ZNF804B: variants seen among roughly 807,000 people sequenced by gnomAD.
ZNF804B encodes zinc finger protein 804B, also known as zinc finger 804B.
ZNF804B carries 80 observed loss-of-function variants against 101.4 expected under a neutral mutation model. That is an observed-to-expected ratio of 0.79 (90% confidence interval 0.66 to 0.95). The LOEUF (loss-of-function observed/expected upper bound fraction) is 0.95. Among genes scored for constraint, ZNF804B ranks in the 40% least tolerant of loss-of-function variants. The probability of loss-of-function intolerance (pLI) is 0.00; values close to 1 mark genes in which losing one functional copy is unlikely to be tolerated. For missense variants in ZNF804B, 1,673 were observed against 1,561.9 expected, an observed-to-expected ratio of 1.07 and a Z score of -1.20; for synonymous variants, 622 against 558.8, an observed-to-expected ratio of 1.11 and a Z score of -1.59.
At chr7:88,964,422 C>G (rs1327463442) in intron 1 of ZNF804B, among the ~76,000 whole-genome samples, 4 of 151,342 alleles carry the variant, frequency 2.6e-5, no homozygotes, top group Admixed American at 2.0e-4. Context: ...GTAAGCTGCA[C>G]ACAAAATGGG....
intron 1 of ZNF804B, among the ~76,000 whole-genome samples, chr7:89,085,138 CT>C: frequency 2.5e-5 from 1 of 39,780 alleles, no homozygotes; most frequent in African/African-American, 3.6e-4. Context: ...TTAGAATATG[CT>C]CGCCAAATCA....
chr7:89,154,728 G>A (rs1790930593), intron 1 of ZNF804B, among the ~76,000 whole-genome samples: 2 of 152,038 alleles, frequency 1.3e-5, no homozygotes, highest in African/African-American at 2.4e-5. Context: ...AGTAATGGGG[G>A]GCTGGGAGGG....
chr7:89,293,726 T>A (rs1205434621), intron 2 of ZNF804B, among the ~76,000 whole-genome samples: 1 of 151,864 alleles, frequency 6.6e-6, no homozygotes, highest in Non-Finnish European at 1.5e-5. Flanking sequence ...GAGGCGGAGC[T>A]TGCAGTGAGC....
At chr7:88,934,045 G>A (rs1247759921) in intron 1 of ZNF804B, among the ~76,000 whole-genome samples, 6 of 151,310 alleles carry the variant, frequency 4.0e-5, no homozygotes, top group Admixed American at 2.6e-4. Context: ...TTACCAAAAC[G>A]ACATGGTACT....
chr7:88,984,361 GTAAT>G lies in ZNF804B; in HGVS notation c.108+224279_108+224282del, dbSNP rs534130143. 2.6e-4 allele frequency among the ~76,000 whole-genome samples: 40 copies of G among 152,158 alleles called. 1 individual carries two copies. Among genetic ancestry groups the G allele is most frequent in the African/African-American group, 9.4e-4 (39 of 41,550 alleles). On this transcript the variant is annotated intron_variant, in intron 1 of 3. Coordinates refer to ENST00000333190, the MANE Select transcript of ZNF804B (RefSeq NM_181646.5). ...CCATCTTTAAGGATGGTGTAATCAA[GTAAT>G]TGTGTTTTTGCATGTTTTTGTTTCT...
At chr7:88,795,075 G>T (rs1223589554) in intron 1 of ZNF804B, 96 of 764,164 alleles carry the variant, frequency 1.3e-4, no homozygotes, top group Non-Finnish European at 1.8e-4. Context: ...GTAAATCACG[G>T]TTTGTCAAAT....
chr7:88,921,436 C>T (rs751276013), intron 1 of ZNF804B, among the ~76,000 whole-genome samples: 3 of 152,074 alleles, frequency 2.0e-5, no homozygotes, highest in Non-Finnish European at 4.4e-5. Flanking sequence ...AAGTGAGTTA[C>T]CTCACCCAAA....
At chr7:88,839,482 G>A (rs1214496412) in intron 1 of ZNF804B, among the ~76,000 whole-genome samples, 1 of 151,834 alleles carries the variant, frequency 6.6e-6, no homozygotes, top group African/African-American at 2.4e-5. Flanking sequence ...GCTATTAGGT[G>A]GCAAATCTGA....
chr7:89,111,606 T>G (rs1018605712), intron 1 of ZNF804B, among the ~76,000 whole-genome samples: 5 of 152,244 alleles, frequency 3.3e-5, no homozygotes, highest in African/African-American at 1.2e-4. Context: ...TTGTATGGCT[T>G]AGATAAAAGT....
chr7:89,194,935 C>T (rs1363452941), intron 1 of ZNF804B, among the ~76,000 whole-genome samples: 2 of 151,892 alleles, frequency 1.3e-5, no homozygotes, highest in African/African-American at 4.8e-5. Context: ...TTGATTCTTC[C>T]TACCCATGAG....
chr7:88,984,520 G>T (rs916639484), intron 1 of ZNF804B, among the ~76,000 whole-genome samples: 1 of 151,650 alleles, frequency 6.6e-6, no homozygotes. Context: ...TGTGTAACTG[G>T]ATGCTAACTT....
chr7:88,950,226 A>T (rs1166828440), intron 1 of ZNF804B, among the ~76,000 whole-genome samples: 2 of 151,812 alleles, frequency 1.3e-5, no homozygotes, highest in African/African-American at 4.8e-5. Flanking sequence ...TGTTTGTTTA[A>T]TTTTTATCTA....
chr7:88,967,047 T>C (rs996090660), intron 1 of ZNF804B, among the ~76,000 whole-genome samples: 1 of 151,426 alleles, frequency 6.6e-6, no homozygotes, highest in Admixed American at 6.6e-5. Flanking sequence ...ATGGTCACTT[T>C]GGAGTCCCTT....
chr7:89,210,778 C>T (rs1008696664), intron 1 of ZNF804B, among the ~76,000 whole-genome samples: 2 of 152,088 alleles, frequency 1.3e-5, no homozygotes, highest in African/African-American at 2.4e-5. Context: ...CATGTCTTTG[C>T]GATTGTGAAT....
chr7:89,093,995 C>T (rs143179566), intron 1 of ZNF804B, among the ~76,000 whole-genome samples: 1,580 of 152,252 alleles, frequency 0.01, 27 homozygotes, highest in African/African-American at 0.036. Context: ...GATAGGTGAC[C>T]TACTGTTAGC....
At chr7:89,132,489 C>G (rs1037655560) in intron 1 of ZNF804B, among the ~76,000 whole-genome samples, 2 of 151,942 alleles carry the variant, frequency 1.3e-5, no homozygotes, top group African/African-American at 4.8e-5. Context: ...ACAGTGGCTA[C>G]AAACAGAGTC....
intron 1 of ZNF804B, among the ~76,000 whole-genome samples, chr7:89,039,216 C>G (rs1788976361): frequency 6.6e-6 from 1 of 151,638 alleles, no homozygotes; most frequent in Non-Finnish European, 1.5e-5. Flanking sequence ...AATGCCATTA[C>G]AATTTTAATA....
chr7:88,875,414 A>G (rs978940753), intron 1 of ZNF804B, among the ~76,000 whole-genome samples: 2 of 152,192 alleles, frequency 1.3e-5, no homozygotes, highest in African/African-American at 4.8e-5. Flanking sequence ...AACTGCTAGC[A>G]AGACTAATAA....
intron 1 of ZNF804B, among the ~76,000 whole-genome samples, chr7:89,019,174 G>A (rs1047985346): frequency 2.6e-5 from 4 of 151,906 alleles, no homozygotes; most frequent in Admixed American, 6.6e-5. Context: ...GTTTTGGTGT[G>A]CTGTGTTTTT....
Sources: gnomAD v4.1 joint callset for allele counts (sites outside exome capture counted in the v4.1 genomes callset) on GRCh38, gnomAD v4.1.1 for gene constraint, MANE v1.5 for transcripts, NCBI Gene and HGNC (gene_info 2026-07-23, HGNC 2026-07-21) for gene names.